FGL1: variants seen among roughly 807,000 people sequenced by gnomAD.
The protein encoded by FGL1 is fibrinogen like 1.
A neutral mutation model predicts 43.7 loss-of-function variants in FGL1; 59 were observed. The ratio of observed to expected loss-of-function variants is 1.35; its 90% CI spans 1.10 to 1.68. FGL1 has a LOEUF of 1.68. Among genes scored for constraint, FGL1 ranks in the 40% most tolerant of loss-of-function variants. The pLI is 0.00. For synonymous variants in FGL1, 192 were observed against 126.5 expected, an observed-to-expected ratio of 1.52 and a Z score of -3.48; for missense variants, 596 against 373.0, an observed-to-expected ratio of 1.60 and a Z score of -4.92.
intron 1 of FGL1, among the ~76,000 whole-genome samples, chr8:17,891,088 C>A (rs926864779): frequency 6.6e-6 from 1 of 152,130 alleles, no homozygotes; most frequent in Non-Finnish European, 1.5e-5. Context: ...TCTACCTACT[C>A]CAACCGCCCT....
chr8:17,875,510 T>TTC (rs140967810), intron 3 of FGL1, among the ~76,000 whole-genome samples: 14 of 15,004 alleles, frequency 9.3e-4, no homozygotes, highest in Non-Finnish European at 2.8e-3. Flanking sequence ...TTTCTTTCTT[T>TTC]CTTTCTTTCT....
At chr8:17,872,130 G>A (rs2053372391) in intron 5 of FGL1, among the ~76,000 whole-genome samples, 1 of 151,974 alleles carries the variant, frequency 6.6e-6, no homozygotes, top group South Asian at 2.1e-4. Flanking sequence ...ATCATAAGAA[G>A]GACATACAAA....
In FGL1 at chr8:17,882,085, T is replaced by C. The variant is rs112327081; in HGVS notation, c.158A>G (p.Gln53Arg). The C allele has an allele frequency of 1.1e-4, 175 of 1,614,086 alleles. No individual in the cohort carries two copies. The African/African-American group carries it at 2.0e-3, about 18-fold the overall frequency. ...RVKQQQVKIK[Q>R]LLQENEVQFL... ...CTGGACTTCATTCTCCTGCAAAAGC[T>C]GCTTGATCTTGACCTGTTGCTGTTT... Residue 53 changes from glutamine (Q) to arginine (R), a missense_variant, in exon 3 of 8, where the codon CAG (glutamine) becomes CGG (arginine). Transcript: ENST00000427924.
intron 1 of FGL1, chr8:17,891,151 C>G (rs2053699187): frequency 6.6e-6 from 1 of 152,118 alleles, no homozygotes; most frequent in Non-Finnish European, 1.5e-5. Flanking sequence ...GTATACTGCC[C>G]TAATGCTAGG....
intron 1 of FGL1, among the ~76,000 whole-genome samples, chr8:17,892,359 A>G (rs509038): frequency 0.13 from 19,256 of 152,174 alleles, 2,827 homozygotes; most frequent in African/African-American, 0.36. Flanking sequence ...TTTAAAAAAT[A>G]TAAAGAGATT....
chr8:17,867,500 A>G (rs974146816), intron 7 of FGL1, among the ~76,000 whole-genome samples: 9 of 152,254 alleles, frequency 5.9e-5, no homozygotes, highest in African/African-American at 2.2e-4. Flanking sequence ...AATTAGACAC[A>G]GTAAGAGATT....
chr8:17,873,137 A>C lies in FGL1; in HGVS notation c.502+882T>G, dbSNP rs183584023. ...TTGCCCAATTGTTCACCTCTCTCTC[A>C]TAATATGTCTTCATAGCTCCTCCTA... On this transcript the variant is annotated intron_variant, in intron 5 of 7. Transcript: ENST00000427924. Among the ~76,000 whole-genome samples, 168 of 152,300 alleles carry C rather than the reference A, an allele frequency of 1.1e-3. 1 individual carries two copies. The highest frequency in any genetic ancestry group is 3.8e-3 in the African/African-American group (159 of 41,566).
chr8:17,866,205 T>C (rs958062869), intron 7 of FGL1, among the ~76,000 whole-genome samples: 14 of 152,192 alleles, frequency 9.2e-5, no homozygotes, highest in Non-Finnish European at 1.5e-4. Flanking sequence ...TCTAGCATCG[T>C]TTAGTTTTTA....
chr8:17,877,965 T>G (rs1325212948), intron 3 of FGL1, among the ~76,000 whole-genome samples: 1 of 152,150 alleles, frequency 6.6e-6, no homozygotes, highest in East Asian at 1.9e-4. Flanking sequence ...CATTTTATTT[T>G]GTTTATTTAT....
Position 17,879,348 on chromosome 8 carries a change from C to A in FGL1, c.244+2651G>T, listed in dbSNP as rs79930433. ...CCCTTACTTCCCAAAGTCTGCTCCC[C>A]AGCAGTGTCAACACAAGGACTGGAT... On this transcript the variant is annotated intron_variant, in intron 3 of 7. Transcript: ENST00000427924. Among the ~76,000 whole-genome samples the A allele has an allele frequency of 2.3e-3, 348 of 152,174 alleles. 1 individual carries two copies. Among genetic ancestry groups the A allele is most frequent in the African/African-American group, 7.9e-3 (330 of 41,540 alleles).
intron 5 of FGL1, among the ~76,000 whole-genome samples, chr8:17,869,259 G>C (rs990742318): frequency 1.3e-5 from 2 of 151,906 alleles, no homozygotes; most frequent in African/African-American, 4.8e-5. Flanking sequence ...GTAAAACCTA[G>C]TGCAATTCAC....
At chr8:17,873,757 TATATCTATA>T (rs1242804795) in intron 5 of FGL1, among the ~76,000 whole-genome samples, 1 of 150,088 alleles carries the variant, frequency 6.7e-6, no homozygotes, top group African/African-American at 2.4e-5. Context: ...AGAATGTATA[TATATCTATA>T]AATATATTTA....
At chr8:17,875,628 A>T (rs1366142057) in intron 3 of FGL1, among the ~76,000 whole-genome samples, 1 of 145,532 alleles carries the variant, frequency 6.9e-6, no homozygotes, top group African/African-American at 2.6e-5. Context: ...CCTTTGAGAC[A>T]GAGTCTTGCT....
At chr8:17,886,475 G>T (rs1216807856) in intron 1 of FGL1, among the ~76,000 whole-genome samples, 1 of 151,950 alleles carries the variant, frequency 6.6e-6, no homozygotes, top group Non-Finnish European at 1.5e-5. Flanking sequence ...GGCATGTGGG[G>T]GGCCTGGTGC....
At chr8:17,878,339 G>C (rs1416068047) in intron 3 of FGL1, among the ~76,000 whole-genome samples, 2 of 152,148 alleles carry the variant, frequency 1.3e-5, no homozygotes, top group African/African-American at 4.8e-5. Context: ...GGGAATATGG[G>C]ACACACAGAG....
chr8:17,882,259 A>T, intron 2 of FGL1, 80 bp from the exon 3 acceptor site: 4 of 1,317,462 alleles, frequency 3.0e-6, no homozygotes, highest in Non-Finnish European at 4.1e-6. Context: ...TGGATAAATC[A>T]GTGATTCCAT....
intron 1 of FGL1, among the ~76,000 whole-genome samples, chr8:17,889,167 C>A (rs1227223806): frequency 6.6e-5 from 10 of 152,176 alleles, no homozygotes; most frequent in African/African-American, 2.4e-4. Flanking sequence ...GGGACAAGGG[C>A]TATTTCCCCA....
At chr8:17,891,755 T>C (rs747815075) in intron 1 of FGL1, 43 of 983,716 alleles carry the variant, frequency 4.4e-5, no homozygotes, top group Non-Finnish European at 5.1e-5. Context: ...TCAAATTCTT[T>C]TGTGTCTGTT....
At chr8:17,889,995 C>T (rs192030408) in intron 1 of FGL1, among the ~76,000 whole-genome samples, 1 of 152,280 alleles carries the variant, frequency 6.6e-6, no homozygotes, top group East Asian at 1.9e-4. Flanking sequence ...TCAATGCTGC[C>T]TCCCATGTTA....
Sources: gnomAD v4.1 joint callset for allele counts (sites outside exome capture counted in the v4.1 genomes callset) on GRCh38, gnomAD v4.1.1 for gene constraint, MANE v1.5 for transcripts, NCBI Gene and HGNC (gene_info 2026-07-23, HGNC 2026-07-21) for gene names.